Variants in PRKG1 observed in about 807,000 individuals in gnomAD.
PRKG1 encodes protein kinase cGMP-dependent 1.
PRKG1 carries 35 observed loss-of-function variants against 88.1 expected under a neutral mutation model. The ratio of observed to expected loss-of-function variants is 0.40; its 90% CI spans 0.30 to 0.53. The LOEUF (loss-of-function observed/expected upper bound fraction) is 0.53, where lower values mean the gene tolerates loss of function less well. Ranked by LOEUF, PRKG1 falls within the 20% of genes least tolerant of loss-of-function variation. The pLI is 0.59. For synonymous variants in PRKG1, 303 were observed against 292.5 expected (o/e 1.04, Z -0.37); for missense variants, 540 against 839.8 (o/e 0.64, Z 4.41).
At chr10:51,797,587 A>C (rs1290457028) in intron 3 of PRKG1, among the ~76,000 whole-genome samples, 3 of 147,172 alleles carry the variant, frequency 2.0e-5, no homozygotes, top group Non-Finnish European at 4.5e-5. Flanking sequence ...GTTATATATA[A>C]ATATCTAATA....
At chr10:51,844,977 A>G (rs1840363688) in intron 4 of PRKG1, among the ~76,000 whole-genome samples, 1 of 152,078 alleles carries the variant, frequency 6.6e-6, no homozygotes, top group South Asian at 2.1e-4. Flanking sequence ...ATTGTATTTT[A>G]TTTTATTGAT....
intron 9 of PRKG1, among the ~76,000 whole-genome samples, chr10:52,212,566 C>T (rs1840005115): frequency 1.3e-5 from 2 of 150,830 alleles, no homozygotes. Flanking sequence ...TATACTGTAG[C>T]TTTTCTATCT....
chr10:52,132,496 C>A (rs1589634780), intron 7 of PRKG1, among the ~76,000 whole-genome samples: 1 of 151,892 alleles, frequency 6.6e-6, no homozygotes, highest in South Asian at 2.1e-4. Flanking sequence ...GTGAAAGACA[C>A]AGAGATCAGT....
At chr10:51,931,033 G>A (rs1842683484) in intron 5 of PRKG1, among the ~76,000 whole-genome samples, 1 of 152,118 alleles carries the variant, frequency 6.6e-6, no homozygotes, top group Non-Finnish European at 1.5e-5. Flanking sequence ...CTCTTATTGA[G>A]GTTGTGTTTC....
chr10:51,676,756 T>G (rs1564602272), intron 3 of PRKG1, among the ~76,000 whole-genome samples: 1 of 152,238 alleles, frequency 6.6e-6, no homozygotes, highest in Non-Finnish European at 1.5e-5. Flanking sequence ...TGGAGATTTA[T>G]GTGACAACAC....
intron 3 of PRKG1, among the ~76,000 whole-genome samples, chr10:51,658,529 C>T (rs1840217828): frequency 6.6e-6 from 1 of 151,884 alleles, no homozygotes; most frequent in African/African-American, 2.4e-5. Context: ...TAGATTCAAA[C>T]CTGGCCTACG....
At chr10:51,484,425 G>A (rs151034148) in intron 3 of PRKG1, among the ~76,000 whole-genome samples, 6 of 151,818 alleles carry the variant, frequency 4.0e-5, no homozygotes, top group Middle Eastern at 3.4e-3. Context: ...TTTTGGGACC[G>A]GGTCATAAGA....
At chr10:51,588,006 G>A (rs1320217580) in intron 3 of PRKG1, among the ~76,000 whole-genome samples, 3 of 152,162 alleles carry the variant, frequency 2.0e-5, no homozygotes, top group Non-Finnish European at 2.9e-5. Context: ...CTTTCCCCAA[G>A]GTAACCAATC....
intron 1 of PRKG1, among the ~76,000 whole-genome samples, chr10:51,125,818 T>C (rs979287754): frequency 4.5e-4 from 64 of 143,208 alleles, no homozygotes; most frequent in Non-Finnish European, 2.4e-4. Context: ...TATTTAAAAA[T>C]TATAAATATG....
At chr10:51,988,964 A>G (rs1844233149) in intron 5 of PRKG1, among the ~76,000 whole-genome samples, 1 of 152,064 alleles carries the variant, frequency 6.6e-6, no homozygotes, top group Non-Finnish European at 1.5e-5. Context: ...TTCAGACACC[A>G]TAAAGCTATT....
At chr10:51,216,871 A>G (rs985937589) in intron 2 of PRKG1, among the ~76,000 whole-genome samples, 1 of 152,182 alleles carries the variant, frequency 6.6e-6, no homozygotes, top group South Asian at 2.1e-4. Context: ...ATATCAGGCT[A>G]CTATAATATA....
intron 1 of PRKG1, among the ~76,000 whole-genome samples, chr10:51,093,783 G>T (rs57114858): frequency 1.5e-5 from 2 of 134,190 alleles, no homozygotes; most frequent in African/African-American, 3.0e-5. Flanking sequence ...ACATATATAT[G>T]TATTTTATAT....
intron 4 of PRKG1, among the ~76,000 whole-genome samples, chr10:51,889,028 A>G (rs1841644860): frequency 6.6e-6 from 1 of 150,680 alleles, no homozygotes; most frequent in Admixed American, 6.6e-5. Context: ...TGACAGAGAG[A>G]GATTTGCAGA....
chr10:51,927,788 T>C (rs1252887673), intron 5 of PRKG1, among the ~76,000 whole-genome samples: 1 of 152,212 alleles, frequency 6.6e-6, no homozygotes, highest in Non-Finnish European at 1.5e-5. Context: ...TTATAAGATT[T>C]GTATTATCAT....
intron 2 of PRKG1, among the ~76,000 whole-genome samples, chr10:51,422,758 A>G (rs763322433): frequency 9.9e-5 from 15 of 151,580 alleles, no homozygotes; most frequent in Non-Finnish European, 1.9e-4. Flanking sequence ...GTGACCCAGC[A>G]CTTCACGGGC....
chr10:51,654,900 C>G (rs1840125966), intron 3 of PRKG1, among the ~76,000 whole-genome samples: 1 of 152,158 alleles, frequency 6.6e-6, no homozygotes, highest in African/African-American at 2.4e-5. Flanking sequence ...CTACTGGGTG[C>G]ATGTCTTCTT....
At chr10:51,347,138 C>A (rs1341317169) in intron 2 of PRKG1, among the ~76,000 whole-genome samples, 1 of 151,556 alleles carries the variant, frequency 6.6e-6, no homozygotes, top group East Asian at 1.9e-4. Flanking sequence ...TTTTTTCTAC[C>A]ACCAAGACAA....
chr10:51,311,965 G>A lies in PRKG1; in HGVS notation c.479-155758G>A, dbSNP rs34680605. ...TGGCTCACCGCAACCTCTGCCTCCCGGGTTCAAGTGATTCTCCTGCCTCAG... is the reference window on the plus strand; with the variant it reads ...TGGCTCACCGCAACCTCTGCCTCCCAGGTTCAAGTGATTCTCCTGCCTCAG... On this transcript the variant is annotated intron_variant, in intron 2 of 17. Coordinates refer to ENST00000373980, the MANE Select transcript of PRKG1 (RefSeq NM_006258.4). Among the ~76,000 whole-genome samples, 65 of 152,168 alleles carry A rather than the reference G, an allele frequency of 4.3e-4. No homozygotes were observed. The East Asian group carries it at 4.6e-3, about 11-fold the overall frequency.
rs1332968242 is a variant in PRKG1, at chr10:51,869,721, A to AT, written c.699-37782dup. On this transcript the variant is annotated intron_variant, in intron 4 of 17. Transcript: ENST00000373980. Reference sequence around the variant, plus strand: ...TTATGAAGAGAGAAAGGAGAAAAATATTTTATAGATTCAATAAAGATATAT... The same window carrying AT: ...TTATGAAGAGAGAAAGGAGAAAAATATTTTTATAGATTCAATAAAGATATAT... Among the ~76,000 whole-genome samples, 16 of 152,320 alleles carry AT rather than the reference A, an allele frequency of 1.1e-4. No homozygotes were observed. The East Asian group carries it at 3.1e-3, about 29-fold the overall frequency.
Sources: gnomAD v4.1 joint callset for allele counts (sites outside exome capture counted in the v4.1 genomes callset) on GRCh38, gnomAD v4.1.1 for gene constraint, MANE v1.5 for transcripts, NCBI Gene and HGNC (gene_info 2026-07-23, HGNC 2026-07-21) for gene names.